The following CAPN12 variants were observed in gnomAD, a reference collection of about 807,000 sequenced individuals.
CAPN12 encodes the protein calpain 12.
Under a neutral mutation model 95.0 loss-of-function variants are expected in CAPN12, and 107 were observed. The ratio of observed to expected loss-of-function variants is 1.13; its 90% confidence interval spans 0.96 to 1.32. The LOEUF is 1.32. CAPN12 is among the 40% of genes most tolerant of loss of function. The pLI is 0.00. For missense variants in CAPN12, 1,136 were observed against 997.8 expected (o/e 1.14, Z -1.87); for synonymous variants, 505 against 415.5 (o/e 1.22, Z -2.62).
Position 38,743,938 on chromosome 19 carries a change from C to T in CAPN12, c.228G>A (p.Met76Ile), listed in dbSNP as rs767656946. The change falls in exon 1 of 21, where the codon ATG (methionine) becomes ATA (isoleucine). Residue 76 changes from methionine to isoleucine, a missense_variant. Physicochemically the swap from Met to Ile is conservative, Grantham distance 10. Coordinates refer to ENST00000328867, the MANE Select transcript of CAPN12 (RefSeq NM_144691.4). ...CCCAGCCACACTTTACATGGGGCCT[C>T]ATCCATTTCACGCCTTTGGCCTTCT... ...DSEKAKGVKW[M>I]RPHEFCAEPK... is the part of the protein sequence containing the mutation. 1.9e-5 allele frequency: 31 copies of T among 1,614,010 alleles called. No individual in the cohort carries two copies. The highest frequency in any genetic ancestry group is 2.5e-5 in the Non-Finnish European group (30 of 1,179,982).
intron 17 of CAPN12, 161 bp from the exon 18 acceptor site, chr19:38,733,942 T>G: frequency 1.3e-6 from 1 of 795,492 alleles, no homozygotes; most frequent in South Asian, 1.8e-5. Context: ...TTTCCCAATC[T>G]GTAAAATGGG....
At chr19:38,743,400 AGG>A in intron 1 of CAPN12, among the ~76,000 whole-genome samples, 1 of 90,026 alleles carries the variant, frequency 1.1e-5, no homozygotes, top group African/African-American at 4.2e-5. Flanking sequence ...CCAGGAGTCC[AGG>A]TCCCGAGCCC....
At position 38,738,690 on chromosome 19, in the gene CAPN12, G is replaced by C. The variant is rs76908209; in HGVS notation, c.730-42C>G. 6 of 1,596,528 alleles carry C rather than the reference G, an allele frequency of 3.8e-6. No individual in the cohort carries two copies. In the African/African-American group the frequency reaches 8.0e-5, roughly 21 times the overall value. ...ATGGTGAGGCCAAGGTAGGGGACAG[G>C]AGGGCAGCTGCTCCTCCCTGCCCCC... On this transcript the variant is annotated intron_variant, in intron 5 of 20. Transcript: ENST00000328867.
Position 38,737,239 on chromosome 19 carries a change from G to A in CAPN12, c.1279C>T (p.Leu427Phe), listed in dbSNP as rs1433954157. The change falls in exon 10 of 21, where the codon CTT becomes TTT. Residue 427 changes from leucine (L) to phenylalanine (F), a missense_variant. Leu to Phe is a conservative substitution (Grantham distance 22). Coordinates refer to ENST00000328867, the MANE Select transcript of CAPN12 (RefSeq NM_144691.4). ...CGGTTGCGCTGGATGAGGGACAGAA[G>A]GACCGTGCACTTGGGCGTGCGGCCC... ...RGGRTPKCTV[L>F]LSLIQRNRRR... 6.4e-7 allele frequency: 1 copy of A among 1,550,960 alleles called. No individual in the cohort carries two copies. The highest frequency in any genetic ancestry group is 1.2e-5 in the South Asian group (1 of 84,194).
Position 38,744,095 on chromosome 19 carries a change from A to T in CAPN12, c.71T>A (p.Leu24Gln). 6.2e-7 allele frequency: 1 copy of T among 1,614,118 alleles called. No homozygotes were observed. Among genetic ancestry groups the T allele is most frequent in the Non-Finnish European group, 8.5e-7 (1 of 1,180,008 alleles). ...ATAGCTCTGGCCCCGAAAAAGCTGC[A>T]GGCGCCCGGCTCCGACCCCAGCCTC... ...DEEAGVGAGR[L>Q]QLFRGQSYEA... The change falls in exon 1 of 21, where the codon CTG (leucine) becomes CAG (glutamine). Residue 24 changes from leucine (L) to glutamine (Q), a missense_variant. Transcript: ENST00000328867.
Position 38,743,025 on chromosome 19 carries a change from G to A in CAPN12, c.307+8C>T. On this transcript the variant is annotated splice_region_variant and intron_variant, in intron 2 of 20. Coordinates refer to ENST00000328867, the MANE Select transcript of CAPN12 (RefSeq NM_144691.4). ...ATCTGAGGACTCCAGGTGGGTTCAG[G>A]GTCTCACCCAGGCTCCCCTGACACA... 1.2e-6 allele frequency: 2 copies of A among 1,613,874 alleles called. No individual in the cohort carries two copies. Among genetic ancestry groups the A allele is most frequent in the South Asian group, 1.1e-5 (1 of 91,072 alleles).
At chr19:38,736,446 G>A (rs1251819040) in intron 11 of CAPN12, 106 bp downstream of exon 11, 2 of 1,444,016 alleles carry the variant, frequency 1.4e-6, no homozygotes, top group African/African-American at 1.6e-5. Flanking sequence ...ACCCGGCTCT[G>A]CCCCCCCACC....
intron 10 of CAPN12, 54 bp from the exon 11 acceptor site, chr19:38,736,617 C>T: frequency 7.1e-7 from 1 of 1,401,506 alleles, no homozygotes; most frequent in Non-Finnish European, 9.7e-7. Flanking sequence ...GGCCGCCGCT[C>T]AGGGTCTCCT....
At chr19:38,732,454 C>A (rs1432195829) in intron 18 of CAPN12, among the ~76,000 whole-genome samples, 18 of 152,232 alleles carry the variant, frequency 1.2e-4, no homozygotes, top group Admixed American at 1.2e-3. Context: ...GTCTCAGCCT[C>A]CCAAGTAGCT....
Position 38,737,284 on chromosome 19 carries a change from C to T in CAPN12, c.1234G>A (p.Ala412Thr). Residue 412 changes from alanine (A) to threonine (T), a missense_variant, in exon 10 of 21, where the codon GCA (alanine) becomes ACA (threonine). Ala to Thr is a moderately conservative substitution (Grantham distance 58). Coordinates refer to ENST00000328867, the MANE Select transcript of CAPN12 (RefSeq NM_144691.4). Reference protein sequence around the residue: ...GPWGGWGAAGARGPARGGRTP... With the variant: ...GPWGGWGAAGTRGPARGGRTP... ...CGGCCCCCCCGCGCTGGGCCCCGTG[C>T]CCCTGCAGCCCCCCAGCCCCCCCAG... The T allele has an allele frequency of 8.3e-7, 1 of 1,207,034 alleles. No individual in the cohort carries two copies. Among genetic ancestry groups the T allele is most frequent in the Non-Finnish European group, 1.1e-6 (1 of 883,052 alleles). The allele number at this position is 1,207,034 out of a possible 1,614,324, so 74.8% of individuals were successfully genotyped here. A position where few individuals can be genotyped will look rare whatever the true frequency, so the allele number is the denominator to read the frequency against.
At position 38,736,200 on chromosome 19, in the gene CAPN12, C is replaced by A; in HGVS notation, c.1493G>T (p.Gly498Val). The change falls in exon 12 of 21, where the codon GGC (glycine) becomes GTC (valine). Residue 498 changes from glycine to valine, a missense_variant. Transcript: ENST00000328867. ...GGTGCTCGGCACCACCAGGTAGTGGCCTGGACGCAGGCAGCAGCGGCGGGT... is the reference window on the plus strand; with the variant it reads ...GGTGCTCGGCACCACCAGGTAGTGGACTGGACGCAGGCAGCAGCGGCGGGT... ...DVTRRCCLRP[G>V]HYLVVPSTAH... The A allele has an allele frequency of 6.6e-7, 1 of 1,510,554 alleles. No individual in the cohort carries two copies. The allele number at this position is 1,510,554 out of a possible 1,614,324, so 93.6% of individuals were successfully genotyped here.
chr19:38,737,684 G>T (rs1406628370), intron 8 of CAPN12, 46 bp from the exon 9 acceptor site: 1 of 1,485,914 alleles, frequency 6.7e-7, no homozygotes, highest in African/African-American at 1.4e-5. Context: ...ACCTCGAGGG[G>T]GTCCCAAGAT....
At chr19:38,736,760 T>C in intron 10 of CAPN12, 197 bp from the exon 11 acceptor site, 1 of 638,380 alleles carries the variant, frequency 1.6e-6, no homozygotes. Context: ...CCATCTGCGC[T>C]CCCAGCGCCT....
At chr19:38,732,633 G>A (rs1409046577) in intron 18 of CAPN12, among the ~76,000 whole-genome samples, 4 of 152,102 alleles carry the variant, frequency 2.6e-5, no homozygotes, top group Non-Finnish European at 5.9e-5. Flanking sequence ...GAGCCACCAC[G>A]CCCGGCTGGC....
At chr19:38,737,450 C>T in intron 9 of CAPN12, 25 bp downstream of exon 9, 2 of 1,612,136 alleles carry the variant, frequency 1.2e-6, no homozygotes, top group South Asian at 1.1e-5. Context: ...CCCCAGGAAG[C>T]CTCTCAGGGC....
intron 4 of CAPN12, among the ~76,000 whole-genome samples, chr19:38,740,538 G>A (rs1420889859): frequency 1.3e-5 from 2 of 152,104 alleles, no homozygotes; most frequent in Non-Finnish European, 2.9e-5. Flanking sequence ...GGTGGCTCAC[G>A]CCTGTAATCC....
chr19:38,731,286 C>T, intron 18 of CAPN12, 63 bp from the exon 19 acceptor site: 1 of 1,252,758 alleles, frequency 8.0e-7, no homozygotes, highest in Non-Finnish European at 1.2e-6. Flanking sequence ...ATTGCATCCC[C>T]ACCCCACCTC....
At position 38,736,182 on chromosome 19, in the gene CAPN12, G is replaced by T. The variant is rs573400086; in HGVS notation, c.1511C>A (p.Pro504Gln). The change falls in exon 12 of 21, where the codon CCG (proline) becomes CAG (glutamine). Residue 504 changes from proline (P) to glutamine (Q), a missense_variant. Physicochemically the swap from Pro to Gln is moderately conservative, Grantham distance 76 (BLOSUM62 -1). Coordinates refer to ENST00000328867, the MANE Select transcript of CAPN12 (RefSeq NM_144691.4). ...CTCGTCGCCGGCGTGGGCGGTGCTC[G>T]GCACCACCAGGTAGTGGCCTGGACG... ...CLRPGHYLVV[P>Q]STAHAGDEAD... is the part of the protein sequence containing the mutation. The T allele has an allele frequency of 3.4e-4, 510 of 1,513,082 alleles. 4 individuals are homozygous for T. Among genetic ancestry groups the T allele is most frequent in the Middle Eastern group, 5.7e-4 (3 of 5,262 alleles). The allele number at this position is 1,513,082 out of a possible 1,614,324, so 93.7% of individuals were successfully genotyped here. A position where few individuals can be genotyped will look rare whatever the true frequency, so the allele number is the denominator to read the frequency against.
At chr19:38,739,190 C>A (rs927696418) in intron 5 of CAPN12, 1 of 161,696 alleles carries the variant, frequency 6.2e-6, no homozygotes, top group East Asian at 1.8e-4. Context: ...GTGGCTCACA[C>A]CTGTAATCCC....
Sources: gnomAD v4.1 joint callset for allele counts (sites outside exome capture counted in the v4.1 genomes callset) on GRCh38, gnomAD v4.1.1 for gene constraint, MANE v1.5 for transcripts, NCBI Gene and HGNC (gene_info 2026-07-23, HGNC 2026-07-21) for gene names.